ZCCHC24: variants seen among roughly 807,000 people sequenced by gnomAD.
The protein encoded by ZCCHC24 is zinc finger CCHC domain-containing protein 24.
ZCCHC24 carries 10 observed loss-of-function variants against 26.2 expected under a neutral mutation model. The ratio of observed to expected loss-of-function variants is 0.38; its 90% CI spans 0.24 to 0.65. The LOEUF (loss-of-function observed/expected upper bound fraction) is 0.65, where lower values mean the gene tolerates loss of function less well. Among genes scored for constraint, ZCCHC24 ranks in the 30% least tolerant of loss-of-function variants. The pLI, the probability that ZCCHC24 is intolerant of heterozygous loss-of-function variation, is 0.54. For missense variants in ZCCHC24, 243 were observed against 329.1 expected (o/e 0.74, Z 2.03); for synonymous variants, 144 against 147.1 (o/e 0.98, Z 0.15).
chr10:79,426,272 A>G lies in ZCCHC24; in HGVS notation c.447+6286T>C, dbSNP rs1262600463. On this transcript the variant is annotated intron_variant, in intron 2 of 3. Transcript: ENST00000372336. ...CGGGGGCTCCATGGGCAGCTTCAGG[A>G]CCTAGGCAGGGTGGGCCTAGTGTTC... Among the ~76,000 whole-genome samples the G allele has an allele frequency of 2.0e-5, 3 of 152,234 alleles. No individual in the cohort carries two copies. The East Asian group carries it at 5.8e-4, about 29-fold the overall frequency.
intron 1 of ZCCHC24, among the ~76,000 whole-genome samples, chr10:79,436,666 C>A (rs11002982): frequency 6.6e-6 from 1 of 152,150 alleles, no homozygotes; most frequent in African/African-American, 2.4e-5. Context: ...ACAGCCTGCC[C>A]TGGGTGCGAT....
chr10:79,428,560 G>A lies in ZCCHC24; in HGVS notation c.447+3998C>T, dbSNP rs142496998. On this transcript the variant is annotated intron_variant, in intron 2 of 3. Transcript: ENST00000372336. The stretch of plus-strand genomic sequence containing the variant: ...GTGAATGTATTTAATGCCACGAACC[G>A]TAAGCTAAAAATGGTTAAGATGGTA... Among the ~76,000 whole-genome samples the A allele has an allele frequency of 2.6e-3, 401 of 152,058 alleles. 1 individual carries two copies. Among genetic ancestry groups the A allele is most frequent in the African/African-American group, 8.6e-3 (358 of 41,406 alleles).
intron 2 of ZCCHC24, among the ~76,000 whole-genome samples, chr10:79,420,361 T>C (rs1046009488): frequency 2.6e-5 from 4 of 151,992 alleles, no homozygotes; most frequent in Non-Finnish European, 5.9e-5. Flanking sequence ...GCCCCTCCCT[T>C]AGGGAATGAG....
intron 2 of ZCCHC24, among the ~76,000 whole-genome samples, chr10:79,408,039 G>A (rs931838679): frequency 1.3e-5 from 2 of 152,170 alleles, no homozygotes; most frequent in Admixed American, 1.3e-4. Flanking sequence ...AGCCCTGTCT[G>A]TTCAGGAAGG....
intron 2 of ZCCHC24, among the ~76,000 whole-genome samples, chr10:79,428,805 G>A (rs184386040): frequency 1.6e-4 from 24 of 152,096 alleles, no homozygotes; most frequent in South Asian, 2.1e-4. Flanking sequence ...CATTATTAAC[G>A]ACCTTACAGA....
At chr10:79,427,733 G>A (rs982443744) in intron 2 of ZCCHC24, among the ~76,000 whole-genome samples, 3 of 152,112 alleles carry the variant, frequency 2.0e-5, no homozygotes, top group Admixed American at 2.0e-4. Flanking sequence ...AAAAGAAGGG[G>A]CCAGACACAA....
At chr10:79,414,208 G>A (rs1305814430) in intron 2 of ZCCHC24, among the ~76,000 whole-genome samples, 1 of 152,254 alleles carries the variant, frequency 6.6e-6, no homozygotes, top group East Asian at 1.9e-4. Context: ...AGGTCACAGA[G>A]TTGCTGAATT....
chr10:79,438,422 G>A (rs757422927), intron 1 of ZCCHC24, among the ~76,000 whole-genome samples: 10 of 152,212 alleles, frequency 6.6e-5, no homozygotes, highest in Non-Finnish European at 1.0e-4. Flanking sequence ...GAGATAGCCC[G>A]TGGGCAAGGC....
intron 2 of ZCCHC24, among the ~76,000 whole-genome samples, chr10:79,397,506 A>T (rs560071083): frequency 3.3e-5 from 5 of 152,228 alleles, no homozygotes; most frequent in African/African-American, 7.2e-5. Flanking sequence ...GTGACTTCTA[A>T]GCCACCCCCT....
intron 2 of ZCCHC24, among the ~76,000 whole-genome samples, chr10:79,424,766 C>G (rs556938045): frequency 1.3e-5 from 2 of 152,338 alleles, no homozygotes; most frequent in African/African-American, 4.8e-5. Flanking sequence ...ACTCCTCCCC[C>G]AGGAGCGCCT....
chr10:79,399,758 G>A (rs1022322884), intron 2 of ZCCHC24, among the ~76,000 whole-genome samples: 24 of 152,342 alleles, frequency 1.6e-4, no homozygotes, highest in African/African-American at 4.1e-4. Context: ...GCTGCAGGGC[G>A]GGGAAGTGGG....
intron 2 of ZCCHC24, among the ~76,000 whole-genome samples, chr10:79,420,687 C>T (rs981842020): frequency 2.0e-5 from 3 of 152,070 alleles, no homozygotes; most frequent in Non-Finnish European, 4.4e-5. Context: ...GCAGGAGAAT[C>T]GCTTGAACTC....
At chr10:79,442,852 CT>C (rs895820463) in intron 1 of ZCCHC24, among the ~76,000 whole-genome samples, 5 of 152,114 alleles carry the variant, frequency 3.3e-5, no homozygotes, top group African/African-American at 1.2e-4. Context: ...ACAGCTGAGG[CT>C]TTGAGAGGGT....
chr10:79,393,514 C>T (rs563984273), intron 3 of ZCCHC24, among the ~76,000 whole-genome samples: 14 of 152,346 alleles, frequency 9.2e-5, no homozygotes, highest in African/African-American at 3.4e-4. Flanking sequence ...CCCCTCCCAG[C>T]TCACATGAGG....
intron 2 of ZCCHC24, among the ~76,000 whole-genome samples, chr10:79,403,196 C>G (rs1016549645): frequency 6.6e-6 from 1 of 152,262 alleles, no homozygotes; most frequent in Non-Finnish European, 1.5e-5. Context: ...AGAGGCCAGA[C>G]AGACCTCCCA....
chr10:79,405,234 G>A (rs577232133), intron 2 of ZCCHC24, among the ~76,000 whole-genome samples: 6 of 152,170 alleles, frequency 3.9e-5, no homozygotes, highest in African/African-American at 7.2e-5. Context: ...GATTTCACCC[G>A]AAATTTAAAC....
Position 79,424,977 on chromosome 10 carries a change from C to T in ZCCHC24, c.447+7581G>A, listed in dbSNP as rs182321560. On this transcript the variant is annotated intron_variant, in intron 2 of 3. Transcript: ENST00000372336. ...CCAATACTCTTTCTATCTGTACCAC[C>T]GAGGACAGGGGAAGGGCCTTATCCA... 1.6e-3 allele frequency among the ~76,000 whole-genome samples: 243 copies of T among 152,266 alleles called. 3 individuals carry two copies. The highest frequency in any genetic ancestry group is 5.7e-3 in the African/African-American group (235 of 41,560).
chr10:79,423,305 C>G (rs1170178859), intron 2 of ZCCHC24, among the ~76,000 whole-genome samples: 1 of 151,880 alleles, frequency 6.6e-6, no homozygotes, highest in Non-Finnish European at 1.5e-5. Context: ...AATCCCAGCA[C>G]TTTGGGAGTC....
intron 2 of ZCCHC24, among the ~76,000 whole-genome samples, chr10:79,412,566 AG>A (rs886336518): frequency 6.6e-6 from 1 of 152,228 alleles, no homozygotes; most frequent in African/African-American, 2.4e-5. Flanking sequence ...CCACCGAGGG[AG>A]GAAAACAGGC....
Sources: allele counts gnomAD v4.1 joint callset (sites outside exome capture counted in the v4.1 genomes callset), GRCh38; gene constraint gnomAD v4.1.1; transcripts MANE v1.5; gene names NCBI Gene and HGNC (gene_info 2026-07-23, HGNC 2026-07-21).